CDC42EP4: variants seen among roughly 807,000 people sequenced by gnomAD.
CDC42EP4 encodes CDC42 effector protein (Rho GTPase binding) 4.
A neutral mutation model predicts 5.6 loss-of-function variants in CDC42EP4; 6 were observed. The observed-to-expected ratio is 1.07, with a 90% CI of 0.59 to 2.12. The LOEUF (loss-of-function observed/expected upper bound fraction) is 2.12. Ranked by LOEUF, CDC42EP4 falls within the 30% of genes most tolerant of loss-of-function variation. The pLI is 0.00. For missense variants in CDC42EP4, 490 were observed against 508.6 expected (o/e 0.96, Z 0.35); for synonymous variants, 230 against 224.2 (o/e 1.03, Z -0.23).
In CDC42EP4 at chr17:73,286,569, C is replaced by A; in HGVS notation, c.-69G>T. 1 of 1,190,966 alleles carries A rather than the reference C, an allele frequency of 8.4e-7. No individual in the cohort carries two copies. Among genetic ancestry groups the A allele is most frequent in the Non-Finnish European group, 1.2e-6 (1 of 855,800 alleles). 73.8% of individuals were successfully genotyped at this position (1,190,966 alleles called of 1,614,324 possible). ...CAGGTCTGGGGTCAGATCTGAAGTCCAAGTCCAGTGGGCAGAGGGGGACGC... is the reference window on the plus strand; with the variant it reads ...CAGGTCTGGGGTCAGATCTGAAGTCAAAGTCCAGTGGGCAGAGGGGGACGC... On this transcript the variant is annotated 5_prime_UTR_variant, in exon 2 of 2. The change creates a premature stop within an existing upstream ORF in the 5' untranslated region. Coordinates refer to ENST00000335793, the MANE Select transcript of CDC42EP4 (RefSeq NM_012121.5). This position sits in a 1 kb window ranked among gnomAD's most constrained non-coding sequence, Gnocchi z 7.7.
chr17:73,287,842 C>A (rs1279267586), intron 1 of CDC42EP4, among the ~76,000 whole-genome samples: 1 of 152,122 alleles, frequency 6.6e-6, no homozygotes, highest in African/African-American at 2.4e-5. Flanking sequence ...ACAAGCCCAC[C>A]ACACCCCACC....
intron 1 of CDC42EP4, among the ~76,000 whole-genome samples, chr17:73,289,254 C>T (rs555006622): frequency 2.1e-4 from 32 of 152,282 alleles, no homozygotes; most frequent in Admixed American, 6.5e-4. Flanking sequence ...TCCCAGCACT[C>T]TGGGAGGCTA....
chr17:73,295,912 A>AG (rs1452799112), intron 1 of CDC42EP4, among the ~76,000 whole-genome samples: 2 of 151,686 alleles, frequency 1.3e-5, no homozygotes, highest in Non-Finnish European at 2.9e-5. Flanking sequence ...TCTCCAAAAA[A>AG]AAAAAAAAAA....
At chr17:73,295,001 G>C (rs1405794191) in intron 1 of CDC42EP4, among the ~76,000 whole-genome samples, 3 of 151,914 alleles carry the variant, frequency 2.0e-5, no homozygotes, top group Admixed American at 1.3e-4. Context: ...TAGTAGAGAC[G>C]GGGTTCCACC....
At chr17:73,294,559 C>G (rs545600070) in intron 1 of CDC42EP4, among the ~76,000 whole-genome samples, 1 of 152,202 alleles carries the variant, frequency 6.6e-6, no homozygotes, top group African/African-American at 2.4e-5. Context: ...ATTCCCACCC[C>G]AGGGCTCCAT....
At chr17:73,295,169 C>G (rs1192638376) in intron 1 of CDC42EP4, among the ~76,000 whole-genome samples, 2 of 152,152 alleles carry the variant, frequency 1.3e-5, no homozygotes, top group Admixed American at 1.3e-4. Context: ...CACTGTGTCA[C>G]ATGACTCCCA....
At chr17:73,292,031 CT>C (rs1449958382) in intron 1 of CDC42EP4, among the ~76,000 whole-genome samples, 1 of 152,240 alleles carries the variant, frequency 6.6e-6, no homozygotes, top group Non-Finnish European at 1.5e-5. Context: ...GGGACCAACA[CT>C]TCTCACTCCA....
rs547362762 is a variant in CDC42EP4, at chr17:73,297,001, A to AAAAAAAAAAAAACAC, written c.-112-10390_-112-10389insGTGTTTTTTTTTTTT. On this transcript the variant is annotated intron_variant, in intron 1 of 1. Coordinates refer to ENST00000335793, the MANE Select transcript of CDC42EP4 (RefSeq NM_012121.5). ...GTCTCAAAAAAAAAAAAAAAAAAAA[A>AAAAAAAAAAAAACAC]AAATACACAAGGCCAAGCGCCGTGG... 1.9e-4 allele frequency among the ~76,000 whole-genome samples: 12 copies of AAAAAAAAAAAAACAC among 61,770 alleles called. 2 individuals are homozygous for AAAAAAAAAAAAACAC. Among genetic ancestry groups the AAAAAAAAAAAAACAC allele is most frequent in the South Asian group, 5.5e-4 (1 of 1,826 alleles). The allele number at this position is 61,770 out of a possible 152,430, so 40.5% of individuals were successfully genotyped here.
chr17:73,288,771 A>T (rs765547556), intron 1 of CDC42EP4, among the ~76,000 whole-genome samples: 2 of 152,020 alleles, frequency 1.3e-5, no homozygotes. Flanking sequence ...TGTTCTCTCA[A>T]GCCTCTGCTG....
At position 73,286,859 on chromosome 17, in the gene CDC42EP4, G is replaced by C. The variant is rs1476980063; in HGVS notation, c.-112-247C>G. ...CGGACACACTTTCCCTGAAACTTGA[G>C]AGAGACAGAACCTTTCTTGCAGAAG... is the stretch of plus-strand genomic sequence containing the variant. On this transcript the variant is annotated intron_variant, in intron 1 of 1. Transcript: ENST00000335793. This position sits in a 1 kb window ranked among gnomAD's most constrained non-coding sequence, Gnocchi z 7.7. The C allele has an allele frequency of 4.5e-6, 1 of 223,402 alleles. No homozygotes were observed. 13.8% of individuals were successfully genotyped at this position (223,402 alleles called of 1,614,324 possible). A position where few individuals can be genotyped will look rare whatever the true frequency, so the allele number is the denominator to read the frequency against.
intron 1 of CDC42EP4, among the ~76,000 whole-genome samples, chr17:73,303,426 C>T (rs538472133): frequency 2.0e-5 from 3 of 152,248 alleles, no homozygotes; most frequent in Admixed American, 6.5e-5. Context: ...CTTTGGGAGG[C>T]CGAGGAGTAT....
intron 1 of CDC42EP4, among the ~76,000 whole-genome samples, chr17:73,308,294 G>A (rs1183032993): frequency 2.6e-5 from 4 of 152,168 alleles, no homozygotes; most frequent in African/African-American, 7.2e-5. Flanking sequence ...CCTCCAGTAC[G>A]TAGGTCAGAA....
At chr17:73,299,113 A>G (rs957431053) in intron 1 of CDC42EP4, among the ~76,000 whole-genome samples, 2 of 152,094 alleles carry the variant, frequency 1.3e-5, no homozygotes, top group South Asian at 2.1e-4. Context: ...GGGCACCACC[A>G]TGCCTGGTTT....
At chr17:73,292,735 A>T (rs2062167466) in intron 1 of CDC42EP4, among the ~76,000 whole-genome samples, 1 of 152,230 alleles carries the variant, frequency 6.6e-6, no homozygotes, top group Admixed American at 6.5e-5. Flanking sequence ...ACGCCGGGGT[A>T]TAGGAACAGG....
chr17:73,301,687 C>T (rs2062219867), intron 1 of CDC42EP4, among the ~76,000 whole-genome samples: 1 of 150,692 alleles, frequency 6.6e-6, no homozygotes, highest in Admixed American at 6.6e-5. Context: ...GCAGGGGCTA[C>T]AGGCACACGC....
intron 1 of CDC42EP4, chr17:73,311,301 T>A (rs1283985436): frequency 6.6e-6 from 1 of 152,426 alleles, no homozygotes; most frequent in Non-Finnish European, 1.5e-5. Flanking sequence ...GACAGCTCCT[T>A]CCCTCTGGCT....
At chr17:73,292,719 G>T (rs1007574859) in intron 1 of CDC42EP4, among the ~76,000 whole-genome samples, 1 of 152,330 alleles carries the variant, frequency 6.6e-6, no homozygotes, top group South Asian at 2.1e-4. Flanking sequence ...GGAACGGCGC[G>T]TGCAAACGCC....
In CDC42EP4 at chr17:73,304,183, C is replaced by T. The variant is rs540561084; in HGVS notation, c.-113+7710G>A. ...TGGGCCACATGTCATGGAGAAAATA[C>T]GAGAAAGAACTAAGATTTGTTGAGC... On this transcript the variant is annotated intron_variant, in intron 1 of 1. Coordinates refer to ENST00000335793, the MANE Select transcript of CDC42EP4 (RefSeq NM_012121.5). Among the ~76,000 whole-genome samples, 5 of 152,066 alleles carry T rather than the reference C, an allele frequency of 3.3e-5. No individual in the cohort carries two copies. In the South Asian group the frequency reaches 6.2e-4, roughly 19 times the overall value.
chr17:73,298,217 C>T (rs1441270861), intron 1 of CDC42EP4, among the ~76,000 whole-genome samples: 1 of 152,122 alleles, frequency 6.6e-6, no homozygotes, highest in African/African-American at 2.4e-5. Context: ...AAAATCACCC[C>T]CAAGCCAGAC....
Sources: allele counts gnomAD v4.1 joint callset (sites outside exome capture counted in the v4.1 genomes callset), GRCh38; gene constraint gnomAD v4.1.1; non-coding constraint Gnocchi (gnomAD v3.1); transcripts MANE v1.5; gene names NCBI Gene and HGNC (gene_info 2026-07-23, HGNC 2026-07-21).